The following PI16 variants were observed in gnomAD, a reference collection of about 807,000 sequenced individuals.
PI16 encodes peptidase inhibitor 16.
Under a neutral mutation model 38.0 loss-of-function variants are expected in PI16, and 35 were observed. That is an observed-to-expected ratio of 0.92 (90% CI 0.70 to 1.22). The LOEUF (loss-of-function observed/expected upper bound fraction) is 1.22, where lower values mean the gene tolerates loss of function less well. Among genes scored for constraint, PI16 ranks in the 50% most tolerant of loss-of-function variants. PI16 has a pLI of 0.00. For synonymous variants in PI16, 275 were observed against 252.9 expected (o/e 1.09, Z -0.83); for missense variants, 572 against 593.8 (o/e 0.96, Z 0.38).
At chr6:36,954,735 G>A (rs750694256), upstream of PI16, 12 of 1,597,738 alleles carry the variant, frequency 7.5e-6, no homozygotes, top group East Asian at 4.5e-5. Flanking sequence ...ACCCCTGGAC[G>A]GGAGAAGGAG....
At chr6:36,954,260 A>G (rs1015873444), upstream of PI16, among the ~76,000 whole-genome samples, 1 of 152,248 alleles carries the variant, frequency 6.6e-6, no homozygotes, top group African/African-American at 2.4e-5. Flanking sequence ...AAACACAGAT[A>G]GCAAGGGGCA....
chr6:36,955,956 G>C (rs943728212), intron 1 of PI16, among the ~76,000 whole-genome samples: 2 of 152,206 alleles, frequency 1.3e-5, no homozygotes, highest in Admixed American at 1.3e-4. Context: ...TTGCTGGGCA[G>C]TGTTCAGGGA....
intron 2 of PI16, among the ~76,000 whole-genome samples, chr6:36,960,364 TAG>T (rs1763328545): frequency 7.2e-6 from 1 of 139,238 alleles, no homozygotes; most frequent in African/African-American, 2.7e-5. Flanking sequence ...TGTGTGTGTG[TAG>T]GGGAATTAAC....
chr6:36,956,217 T>C (rs1763203010), intron 1 of PI16, among the ~76,000 whole-genome samples: 1 of 152,174 alleles, frequency 6.6e-6, no homozygotes, highest in Non-Finnish European at 1.5e-5. Context: ...AGCACTGCCG[T>C]TCACAGCTGT....
intron 1 of PI16, among the ~76,000 whole-genome samples, chr6:36,956,625 C>T (rs1248127837): frequency 6.6e-6 from 1 of 152,198 alleles, no homozygotes; most frequent in African/African-American, 2.4e-5. Context: ...CAAATCTTAG[C>T]TTTGTTACTT....
At chr6:36,951,112 T>C (rs1019073103), upstream of PI16, among the ~76,000 whole-genome samples, 1 of 152,234 alleles carries the variant, frequency 6.6e-6, no homozygotes, top group South Asian at 2.1e-4. Context: ...TGGTAAGTGA[T>C]GTCGATCATC....
At chr6:36,955,059 G>A in intron 1 of PI16, 128 bp downstream of exon 1, 1 of 1,420,610 alleles carries the variant, frequency 7.0e-7, no homozygotes, top group South Asian at 1.5e-5. Flanking sequence ...TCTGGTCAGT[G>A]ACAGAGTCCC....
Position 36,959,488 on chromosome 6 carries a change from G to A in PI16, c.393+122G>A, listed in dbSNP as rs1458693148. On this transcript the variant is annotated intron_variant, in intron 2 of 6. Coordinates refer to ENST00000373674, the MANE Select transcript of PI16 (RefSeq NM_153370.3). Reference sequence around the variant, plus strand: ...AAGCGTCCTCGCTGCAAGTAGGCGGGCTTCACTCCAAGCCCCCTCAGACAC... The same window carrying A: ...AAGCGTCCTCGCTGCAAGTAGGCGGACTTCACTCCAAGCCCCCTCAGACAC... 4.1e-6 allele frequency: 4 copies of A among 975,404 alleles called. No homozygotes were observed. The East Asian group carries it at 7.9e-5, about 19-fold the overall frequency. The allele number at this position is 975,404 out of a possible 1,614,324, so 60.4% of individuals were successfully genotyped here.
At chr6:36,963,683 G>T (rs1364872893) in intron 5 of PI16, 71 bp downstream of exon 5, 40 of 1,567,796 alleles carry the variant, frequency 2.6e-5, no homozygotes, top group Non-Finnish European at 3.1e-5. Flanking sequence ...CAGCATAGGT[G>T]GTATGAGCAT....
At chr6:36,949,730 T>C (rs559615231) in intron 1 of PI16, among the ~76,000 whole-genome samples, 7 of 152,222 alleles carry the variant, frequency 4.6e-5, no homozygotes, top group Non-Finnish European at 1.0e-4. Flanking sequence ...TATTTGCATA[T>C]TCATTGTAAA....
chr6:36,957,504 G>T (rs1160597762), intron 1 of PI16, among the ~76,000 whole-genome samples: 1 of 152,132 alleles, frequency 6.6e-6, no homozygotes, highest in Non-Finnish European at 1.5e-5. Flanking sequence ...TGGGCTTCTT[G>T]GTTCCTGCTG....
intron 1 of PI16, 57 bp downstream of exon 1, chr6:36,954,988 G>T: frequency 6.4e-7 from 1 of 1,568,766 alleles, no homozygotes; most frequent in Non-Finnish European, 8.6e-7. Flanking sequence ...GCCAGGGTCT[G>T]TCACCAGGCT....
In PI16 at chr6:36,963,193, TAAC is replaced by T; in HGVS notation, c.855_857del (p.Thr286del). 6.2e-7 allele frequency: 1 copy of T among 1,614,236 alleles called. No homozygotes were observed. The highest frequency in any genetic ancestry group is 1.1e-5 in the South Asian group (1 of 91,086). On this transcript the variant is annotated inframe_deletion, in exon 5 of 7. Transcript: ENST00000373674. ...ATGGCAACAGAGGCTCCACCTTGCG[TAAC>T]AACTGAGGTCCCTTCCATTTTGGCA...
intron 2 of PI16, among the ~76,000 whole-genome samples, chr6:36,960,796 C>G (rs912821077): frequency 6.6e-6 from 1 of 152,136 alleles, no homozygotes; most frequent in Non-Finnish European, 1.5e-5. Flanking sequence ...GTGCTCAACA[C>G]GGGGAGACCT....
rs1259546334 is a variant in PI16 at position 36,955,827 on chromosome 6, AGGC to A, written c.171+899_171+901del. Among the ~76,000 whole-genome samples the A allele has an allele frequency of 4.6e-5, 7 of 152,268 alleles. No homozygotes were observed. In the South Asian group the frequency reaches 1.2e-3, roughly 27 times the overall value. On this transcript the variant is annotated intron_variant, in intron 1 of 6. Coordinates refer to ENST00000373674, the MANE Select transcript of PI16 (RefSeq NM_153370.3). ...GAAGAGCTATTTATGGTAGGGTGAG[AGGC>A]GGGCTGTCTATATGCAGAATTAAAG...
At chr6:36,960,091 A>G (rs1763318694) in intron 2 of PI16, among the ~76,000 whole-genome samples, 1 of 151,994 alleles carries the variant, frequency 6.6e-6, no homozygotes, top group South Asian at 2.1e-4. Context: ...GCTCTTTTGC[A>G]TTTATTATGG....
In PI16 at chr6:36,959,276, G is replaced by A; in HGVS notation, c.303G>A (p.Leu101=). 1 of 1,599,912 alleles carries A rather than the reference G, an allele frequency of 6.3e-7. No individual in the cohort carries two copies. The highest frequency in any genetic ancestry group is 8.5e-7 in the Non-Finnish European group (1 of 1,173,868). The part of the protein sequence containing the change: ...AITDEGMDVP[L]AMEEWHHERE... ...CAGACGAGGGCATGGACGTGCCGCT[G>A]GCCATGGAGGAGTGGCACCACGAGC... The change falls in exon 2 of 7, where the codon CTG becomes CTA. Residue 101 remains leucine, a synonymous_variant. Transcript: ENST00000373674.
chr6:36,960,762 T>C (rs990675828), intron 2 of PI16, among the ~76,000 whole-genome samples: 1 of 151,754 alleles, frequency 6.6e-6, no homozygotes, highest in Non-Finnish European at 1.5e-5. Flanking sequence ...GTGCATGCAC[T>C]CTGGAGTCGT....
At chr6:36,952,894 T>C (rs1419484725), upstream of PI16, among the ~76,000 whole-genome samples, 2 of 152,224 alleles carry the variant, frequency 1.3e-5, no homozygotes, top group Non-Finnish European at 2.9e-5. Context: ...CAGGCAACAT[T>C]GACACCTTAG....
Sources: gnomAD v4.1 joint callset for allele counts (sites outside exome capture counted in the v4.1 genomes callset) on GRCh38, gnomAD v4.1.1 for gene constraint, MANE v1.5 for transcripts, NCBI Gene and HGNC (gene_info 2026-07-23, HGNC 2026-07-21) for gene names.